The following RELN variants were observed in gnomAD, a reference collection of about 807,000 sequenced individuals.
RELN encodes the protein reelin.
Under a neutral mutation model 427.6 loss-of-function variants are expected in RELN, and 108 were observed. The ratio of observed to expected loss-of-function variants is 0.25; its 90% CI spans 0.22 to 0.30. The LOEUF is 0.30. Among genes scored for constraint, RELN ranks in the 10% least tolerant of loss-of-function variants. RELN has a pLI of 1.00. For missense variants in RELN, 3,715 were observed against 4,302.8 expected (o/e 0.86, Z 3.82); for synonymous variants, 1,524 against 1,513.4 (o/e 1.01, Z -0.16).
At chr7:103,923,236 CTG>C (rs1322873310) in intron 1 of RELN, among the ~76,000 whole-genome samples, 4 of 152,164 alleles carry the variant, frequency 2.6e-5, no homozygotes, top group African/African-American at 9.7e-5. Flanking sequence ...TTCATCAACA[CTG>C]TATGTTCAAC....
intron 1 of RELN, among the ~76,000 whole-genome samples, chr7:103,947,752 A>G (rs565591293): frequency 2.7e-4 from 41 of 152,340 alleles, no homozygotes; most frequent in African/African-American, 9.4e-4. Context: ...TATAAAAATT[A>G]TATTTCCCAG....
At chr7:103,742,610 A>G (rs927544239) in intron 6 of RELN, among the ~76,000 whole-genome samples, 3 of 152,246 alleles carry the variant, frequency 2.0e-5, no homozygotes, top group Admixed American at 1.3e-4. Flanking sequence ...CGAGAGCTAC[A>G]TGACGAATGC....
intron 1 of RELN, among the ~76,000 whole-genome samples, chr7:103,986,948 G>A (rs1182123485): frequency 6.7e-6 from 1 of 150,228 alleles, no homozygotes; most frequent in African/African-American, 2.4e-5. Flanking sequence ...GTGTGTGTGT[G>A]TGTGTGTGTG....
At chr7:103,827,761 T>A (rs1240134318) in intron 3 of RELN, among the ~76,000 whole-genome samples, 1 of 151,952 alleles carries the variant, frequency 6.6e-6, no homozygotes, top group Admixed American at 6.6e-5. Flanking sequence ...AGCACTGACA[T>A]TGTCTCAAGT....
intron 2 of RELN, among the ~76,000 whole-genome samples, chr7:103,839,303 C>CTTTTT (rs34244913): frequency 0.051 from 6,211 of 120,978 alleles, 269 homozygotes; most frequent in African/African-American, 0.076. Context: ...GTGGTCTTTG[C>CTTTTT]TTTTTTTTTT....
rs148501331 is a variant in RELN, at chr7:103,781,303, C to T, written c.474-4676G>A. On this transcript the variant is annotated intron_variant, in intron 3 of 64. Coordinates refer to ENST00000428762, the MANE Select transcript of RELN (RefSeq NM_005045.4). Reference sequence around the variant, plus strand: ...TCATGGTGGTTTACCCACAGAATCACAGCATTTATTTCAAATCTTCTATGG... The same window carrying T: ...TCATGGTGGTTTACCCACAGAATCATAGCATTTATTTCAAATCTTCTATGG... Among the ~76,000 whole-genome samples, 254 of 152,216 alleles carry T rather than the reference C, an allele frequency of 1.7e-3. 4 individuals carry two copies. The East Asian group carries it at 0.041, about 24-fold the overall frequency.
At chr7:103,917,017 A>G in intron 2 of RELN, 58 bp downstream of exon 2, 5 of 1,200,428 alleles carry the variant, frequency 4.2e-6, no homozygotes, top group East Asian at 2.3e-5. Flanking sequence ...ACTTTAAAAC[A>G]TAAGACCTAT....
At chr7:103,915,074 C>G (rs755340072) in intron 2 of RELN, among the ~76,000 whole-genome samples, 3 of 152,128 alleles carry the variant, frequency 2.0e-5, no homozygotes, top group Non-Finnish European at 4.4e-5. Context: ...ATCCCCTTCC[C>G]TCTTGATTCC....
At chr7:103,890,649 A>G (rs1252150029) in intron 2 of RELN, among the ~76,000 whole-genome samples, 1 of 152,122 alleles carries the variant, frequency 6.6e-6, no homozygotes, top group African/African-American at 2.4e-5. Flanking sequence ...CTGCACTATG[A>G]TACTCAATTA....
At chr7:103,694,797 C>G (rs937980435) in intron 10 of RELN, among the ~76,000 whole-genome samples, 3 of 150,940 alleles carry the variant, frequency 2.0e-5, no homozygotes, top group Non-Finnish European at 4.4e-5. Context: ...GTAGCTGGGA[C>G]TACAGGTGTG....
Position 103,603,602 on chromosome 7 carries a change from C to T in RELN, c.3147-112G>A. 1.2e-6 allele frequency: 1 copy of T among 821,834 alleles called. No individual in the cohort carries two copies. The highest frequency in any genetic ancestry group is 2.1e-6 in the Non-Finnish European group (1 of 477,396). 50.9% of individuals were successfully genotyped at this position (821,834 alleles called of 1,614,324 possible). ...ACTTTTGCTCAGGTCTTATCATTCA[C>T]ACTAGATTCTTCCCTACAGTGTTAA... On this transcript the variant is annotated intron_variant, in intron 23 of 64. Transcript: ENST00000428762. The surrounding 1 kb of genome is among the most constrained non-coding windows in gnomAD (Gnocchi z 4.3).
intron 61 of RELN, 115 bp from the exon 62 acceptor site, chr7:103,483,965 T>A: frequency 9.5e-7 from 1 of 1,048,224 alleles, no homozygotes. Context: ...CTACAACGTC[T>A]GCCTACTGGG....
intron 1 of RELN, among the ~76,000 whole-genome samples, chr7:103,963,110 C>A (rs865933785): frequency 1.1e-4 from 16 of 149,742 alleles, no homozygotes; most frequent in Admixed American, 2.7e-4. Context: ...AGACAGGATT[C>A]TCTCTCTCTC....
intron 16 of RELN, among the ~76,000 whole-genome samples, chr7:103,646,717 C>T (rs1178612088): frequency 1.3e-5 from 2 of 152,072 alleles, no homozygotes; most frequent in East Asian, 3.9e-4. Context: ...TGTACCAATC[C>T]TGCTAAAACT....
intron 54 of RELN, 48 bp from the exon 55 acceptor site, chr7:103,497,974 T>G (rs1828891717): frequency 6.2e-7 from 1 of 1,603,124 alleles, no homozygotes; most frequent in Admixed American, 1.7e-5. Context: ...TTAGAACAAA[T>G]ACTCTACTCA....
At chr7:103,853,832 A>G (rs1793880910) in intron 2 of RELN, among the ~76,000 whole-genome samples, 1 of 152,078 alleles carries the variant, frequency 6.6e-6, no homozygotes, top group African/African-American at 2.4e-5. Flanking sequence ...AAAGTTTACT[A>G]ATAGAGGAAC....
intron 1 of RELN, among the ~76,000 whole-genome samples, chr7:103,951,930 C>T (rs1392318444): frequency 6.6e-6 from 1 of 152,244 alleles, no homozygotes; most frequent in Admixed American, 6.5e-5. Context: ...GTCTTGGCCT[C>T]CCAAAGTGCT....
At chr7:103,579,850 C>T (rs1831089744) in intron 28 of RELN, among the ~76,000 whole-genome samples, 1 of 152,168 alleles carries the variant, frequency 6.6e-6, no homozygotes, top group South Asian at 2.1e-4. Context: ...AAGGTTTCTG[C>T]TTGTCCCGTG....
chr7:103,578,660 A>G (rs1288136589), intron 28 of RELN, among the ~76,000 whole-genome samples: 1 of 152,188 alleles, frequency 6.6e-6, no homozygotes, highest in Non-Finnish European at 1.5e-5. Flanking sequence ...TAGCAACCTC[A>G]GGGTTTCTGG....
Sources: allele counts gnomAD v4.1 joint callset (sites outside exome capture counted in the v4.1 genomes callset), GRCh38; gene constraint gnomAD v4.1.1; non-coding constraint Gnocchi (gnomAD v3.1); transcripts MANE v1.5; gene names NCBI Gene and HGNC (gene_info 2026-07-23, HGNC 2026-07-21).